The following EPM2A variants were observed in gnomAD, a reference collection of about 807,000 sequenced individuals.
EPM2A encodes the protein laforin.
In EPM2A, 21 loss-of-function variants were observed where a neutral mutation model predicts 26.5. The observed-to-expected ratio is 0.79, with a 90% CI of 0.56 to 1.14. EPM2A has a LOEUF of 1.14. Among genes scored for constraint, EPM2A ranks in the 50% most tolerant of loss-of-function variants. The pLI, the probability that EPM2A is intolerant of heterozygous loss-of-function variation, is 0.00. For missense variants in EPM2A, 458 were observed against 440.8 expected (o/e 1.04, Z -0.35); for synonymous variants, 217 against 177.6 (o/e 1.22, Z -1.76).
intron 2 of EPM2A, among the ~76,000 whole-genome samples, chr6:145,560,126 C>T (rs1286288065): frequency 6.6e-6 from 1 of 152,060 alleles, no homozygotes; most frequent in Admixed American, 6.6e-5. Context: ...TCAGAAATCA[C>T]CAAGAAGGGC....
intron 1 of EPM2A, among the ~76,000 whole-genome samples, chr6:145,724,693 G>T (rs1776106711): frequency 6.6e-6 from 1 of 151,912 alleles, no homozygotes; most frequent in Non-Finnish European, 1.5e-5. Context: ...GCACAGAAAT[G>T]GACATATGCA....
intron 2 of EPM2A, among the ~76,000 whole-genome samples, chr6:145,508,738 C>T (rs1780013364): frequency 6.6e-6 from 1 of 152,158 alleles, no homozygotes; most frequent in East Asian, 1.9e-4. Flanking sequence ...TAGCAATGAT[C>T]CTTACCAGAA....
At position 145,446,277 on chromosome 6, in the gene EPM2A, T is replaced by C. The variant is rs188426260; in HGVS notation, c.555+56245A>G. Among the ~76,000 whole-genome samples, 197 of 152,340 alleles carry C rather than the reference T, an allele frequency of 1.3e-3. 1 individual carries two copies. Among genetic ancestry groups the C allele is most frequent in the Admixed American group, 5.2e-3 (80 of 15,302 alleles). ...TGTTCTATGCCACCAAGTTCTGGTA[T>C]AATATGCTATGTAGCAAAAGTAACT... On this transcript the variant is annotated intron_variant, in intron 4 of 4. Coordinates refer to the EPM2A transcript ENST00000638717.
Position 145,542,607 on chromosome 6 carries a change from C to A in EPM2A, c.341-40032G>T, listed in dbSNP as rs552559845. On this transcript the variant is annotated intron_variant, in intron 2 of 3. Coordinates refer to the EPM2A transcript ENST00000450221. ...CATAAAGCCAATTAGAGCATATTCA[C>A]CTGATGTCATTTGGTAGGTAATTGA... 6.6e-5 allele frequency among the ~76,000 whole-genome samples: 10 copies of A among 152,298 alleles called. No individual in the cohort carries two copies. In the East Asian group the frequency reaches 1.7e-3, roughly 26 times the overall value.
Position 145,566,966 on chromosome 6 carries a change from A to C in EPM2A, c.341-64391T>G, listed in dbSNP as rs573724648. On this transcript the variant is annotated intron_variant, in intron 2 of 3. Transcript: ENST00000450221. Reference sequence around the variant, plus strand: ...TTTCTTAGAAATCACAGAAAGAGTAAGTTGACTTTGGTAAAGGAGAAACAT... The same window carrying C: ...TTTCTTAGAAATCACAGAAAGAGTACGTTGACTTTGGTAAAGGAGAAACAT... Among the ~76,000 whole-genome samples, 5 of 152,346 alleles carry C rather than the reference A, an allele frequency of 3.3e-5. 1 individual carries two copies. The South Asian group carries it at 1.0e-3, about 32-fold the overall frequency.
intron 4 of EPM2A, among the ~76,000 whole-genome samples, chr6:145,433,251 G>A (rs918753305): frequency 6.6e-6 from 1 of 152,106 alleles, no homozygotes; most frequent in Middle Eastern, 3.4e-3. Flanking sequence ...CCTAGCTTTT[G>A]GCCCATCTCA....
intron 1 of EPM2A, among the ~76,000 whole-genome samples, chr6:145,726,067 A>C (rs1440799618): frequency 6.6e-6 from 1 of 152,044 alleles, no homozygotes; most frequent in East Asian, 1.9e-4. Context: ...AGAAATGTCC[A>C]ATTTTAGCGT....
intron 2 of EPM2A, among the ~76,000 whole-genome samples, chr6:145,593,832 G>A (rs900815302): frequency 1.7e-4 from 26 of 151,786 alleles, no homozygotes; most frequent in Non-Finnish European, 2.2e-4. Context: ...CCTAAAATAC[G>A]TAATCTAAAC....
At chr6:145,491,889 T>C in intron 4 of EPM2A, 4 of 498,618 alleles carry the variant, frequency 8.0e-6, no homozygotes, top group South Asian at 1.5e-5. Flanking sequence ...CCACCAAAGG[T>C]TCCTGGGTAA....
At chr6:145,509,554 G>A (rs1458596562) in intron 2 of EPM2A, among the ~76,000 whole-genome samples, 3 of 152,114 alleles carry the variant, frequency 2.0e-5, no homozygotes, top group Admixed American at 6.5e-5. Flanking sequence ...GAATTTGTTA[G>A]CACTAGACTG....
At chr6:145,543,175 A>G (rs893047776) in intron 2 of EPM2A, among the ~76,000 whole-genome samples, 1 of 152,204 alleles carries the variant, frequency 6.6e-6, no homozygotes, top group Non-Finnish European at 1.5e-5. Flanking sequence ...ATATGGCCTT[A>G]AAAAAGATAT....
intron 2 of EPM2A, among the ~76,000 whole-genome samples, chr6:145,567,899 T>C (rs379040): frequency 0.45 from 68,372 of 151,910 alleles, 16,138 homozygotes; most frequent in African/African-American, 0.57. Context: ...ATTTATGTAT[T>C]TCCTACTTCC....
downstream of EPM2A, among the ~76,000 whole-genome samples, chr6:145,501,223 C>T (rs117348445): frequency 0.029 from 4,405 of 152,198 alleles, 94 homozygotes; most frequent in Non-Finnish European, 0.044. Context: ...CACAAAAATC[C>T]TAATAGTAAA....
chr6:145,470,813 T>G (rs1319522687), intron 4 of EPM2A, among the ~76,000 whole-genome samples: 2 of 152,188 alleles, frequency 1.3e-5, no homozygotes, highest in African/African-American at 4.8e-5. Context: ...CATTAAATGC[T>G]TTAGCTACAG....
At chr6:145,576,244 G>A (rs1251086444) in intron 2 of EPM2A, among the ~76,000 whole-genome samples, 1 of 152,136 alleles carries the variant, frequency 6.6e-6, no homozygotes. Context: ...TGCTACATGG[G>A]GAATGGAAAG....
At chr6:145,657,739 C>A (rs926985939) in intron 2 of EPM2A, among the ~76,000 whole-genome samples, 1 of 152,204 alleles carries the variant, frequency 6.6e-6, no homozygotes, top group African/African-American at 2.4e-5. Context: ...GAACACACAG[C>A]AGCCTACTGT....
At chr6:145,511,329 T>C (rs1010901107) in intron 2 of EPM2A, among the ~76,000 whole-genome samples, 11 of 152,134 alleles carry the variant, frequency 7.2e-5, no homozygotes, top group Non-Finnish European at 1.5e-4. Context: ...CAAATATCCC[T>C]AATGAACATA....
At chr6:145,691,128 A>G (rs1193932525) in intron 1 of EPM2A, among the ~76,000 whole-genome samples, 1 of 152,214 alleles carries the variant, frequency 6.6e-6, no homozygotes, top group African/African-American at 2.4e-5. Flanking sequence ...AAATTTGGCA[A>G]GAGGCAAAAC....
chr6:145,427,804 A>G (rs1778870519), intron 4 of EPM2A, among the ~76,000 whole-genome samples: 1 of 152,110 alleles, frequency 6.6e-6, no homozygotes, highest in South Asian at 2.1e-4. Context: ...ATTTTATTAA[A>G]TATTCATGCC....
Sources: gnomAD v4.1 joint callset for allele counts (sites outside exome capture counted in the v4.1 genomes callset) on GRCh38, gnomAD v4.1.1 for gene constraint, MANE v1.5 for transcripts, NCBI Gene and HGNC (gene_info 2026-07-23, HGNC 2026-07-21) for gene names.